EDNRB: variants seen among roughly 807,000 people sequenced by gnomAD.
EDNRB encodes endothelin receptor type B, also known as Hirschsprung disease 2.
EDNRB carries 18 observed loss-of-function variants against 46.4 expected under a neutral mutation model. The ratio of observed to expected loss-of-function variants is 0.39; its 90% CI spans 0.27 to 0.57. The LOEUF (loss-of-function observed/expected upper bound fraction) is 0.57. Ranked by LOEUF, EDNRB falls within the 20% of genes least tolerant of loss-of-function variation. EDNRB has a pLI of 0.61. For missense variants in EDNRB, 434 were observed against 537.5 expected (o/e 0.81, Z 1.90); for synonymous variants, 213 against 204.9 (o/e 1.04, Z -0.34).
chr13:77,934,441 A>G (rs192906585), intron 1 of EDNRB, among the ~76,000 whole-genome samples: 2,220 of 152,212 alleles, frequency 0.015, 46 homozygotes, highest in East Asian at 0.024. Flanking sequence ...GACTAATAAA[A>G]GCCGGTCTGC....
chr13:77,919,697 G>T, upstream of EDNRB: 1 of 1,363,572 alleles, frequency 7.3e-7, no homozygotes, highest in Non-Finnish European at 1.0e-6. Context: ...GCGATGCCTG[G>T]ACAGCATCAG....
Position 77,918,344 on chromosome 13 carries a change from G to A in EDNRB, c.230C>T (p.Thr77Met), listed in dbSNP as rs1227502849. The A allele has an allele frequency of 1.2e-6, 2 of 1,613,722 alleles. No homozygotes were observed. Among genetic ancestry groups the A allele is most frequent in the Admixed American group, 3.3e-5 (2 of 59,978 alleles). Residue 77 changes from threonine to methionine, a missense_variant, in exon 1 of 7, where the codon ACG (threonine) becomes ATG (methionine). Coordinates refer to ENST00000646607, the MANE Select transcript of EDNRB (RefSeq NM_001122659.3). The surrounding 1 kb of genome is among the most constrained non-coding windows in gnomAD (Gnocchi z 4.5). ...APAEVPKGDRTAGSPPRTISP... is the reference protein window; with the variant it reads ...APAEVPKGDRMAGSPPRTISP... ...GATGGTGCGTGGCGGAGATCCTGCC[G>A]TCCTGTCTCCTTTAGGCACCTCCGC...
intron 2 of EDNRB, 67 bp downstream of exon 2, chr13:77,903,428 T>C: frequency 1.2e-6 from 2 of 1,610,458 alleles, no homozygotes; most frequent in Non-Finnish European, 1.7e-6. Flanking sequence ...CACAGTTTAT[T>C]TTCTAAGTAA....
In EDNRB at chr13:77,898,318, C is replaced by T. The variant is rs767275433; in HGVS notation, c.1211G>A (p.Trp404Ter). ...KNCFKSCLCC[W>*]CQSFEEKQSL... is the part of the protein sequence containing the mutation. The stretch of plus-strand genomic sequence containing the variant: ...CTGTTTTTCTTCAAATGACTGGCAC[C>T]AGCAGCATAAGCATGACTGTACAAA... Residue 404 changes from tryptophan to a stop codon, truncating the protein, a stop_gained, in exon 7 of 7, where the codon TGG (tryptophan) becomes TAG (stop). Coordinates refer to ENST00000646607, the MANE Select transcript of EDNRB (RefSeq NM_001122659.3). LOFTEE classifies it high-confidence loss of function. 23 of 1,611,904 alleles carry T rather than the reference C, an allele frequency of 1.4e-5. No individual in the cohort carries two copies. The African/African-American group carries it at 2.8e-4, about 20-fold the overall frequency.
In EDNRB at chr13:77,943,164, C is replaced by A. The variant is rs572783074; in HGVS notation, c.-51-24540G>T. Reference sequence around the variant, plus strand: ...TAAATTGCCTGAAAATGTATAAAACCCTTTCCTGTAGAGCAATATGTGCTG... The same window carrying A: ...TAAATTGCCTGAAAATGTATAAAACACTTTCCTGTAGAGCAATATGTGCTG... On this transcript the variant is annotated intron_variant, in intron 1 of 7. Transcript: ENST00000646948. Among the ~76,000 whole-genome samples the A allele has an allele frequency of 1.3e-4, 20 of 152,122 alleles. No homozygotes were observed. In the East Asian group the frequency reaches 2.1e-3, roughly 16 times the overall value.
At chr13:77,924,403 A>G (rs1880173206), upstream of EDNRB, among the ~76,000 whole-genome samples, 1 of 152,224 alleles carries the variant, frequency 6.6e-6, no homozygotes, top group African/African-American at 2.4e-5. Flanking sequence ...TGAGGGCAGC[A>G]GATAATGCAA....
In EDNRB at chr13:77,898,058, T is replaced by G. The variant is rs1878725267; in HGVS notation, c.*142A>C. The G allele has an allele frequency of 3.4e-6, 5 of 1,465,882 alleles. No individual in the cohort carries two copies. In the South Asian group the frequency reaches 6.9e-5, roughly 20 times the overall value. The allele number at this position is 1,465,882 out of a possible 1,614,324, so 90.8% of individuals were successfully genotyped here. A position where few individuals can be genotyped will look rare whatever the true frequency, so the allele number is the denominator to read the frequency against. ...ATAAAATGTCATATGTAGCTGTGAG[T>G]GTTAAAATAATTACACTTAATATTT... On this transcript the variant is annotated 3_prime_UTR_variant, in exon 7 of 7. Coordinates refer to ENST00000646607, the MANE Select transcript of EDNRB (RefSeq NM_001122659.3).
chr13:77,922,315 T>C (rs1167021045), upstream of EDNRB, among the ~76,000 whole-genome samples: 3 of 152,084 alleles, frequency 2.0e-5, no homozygotes, highest in African/African-American at 7.2e-5. Context: ...GAAGACAGGG[T>C]TTAATGCAAT....
At chr13:77,928,069 A>G (rs887988760) in intron 1 of EDNRB, among the ~76,000 whole-genome samples, 13 of 152,246 alleles carry the variant, frequency 8.5e-5, no homozygotes, top group African/African-American at 2.7e-4. Context: ...CTGTGAATCA[A>G]TTAAACCTCT....
chr13:77,939,114 G>T (rs537020550), intron 1 of EDNRB: 3 of 152,316 alleles, frequency 2.0e-5, no homozygotes, highest in African/African-American at 4.8e-5. Context: ...CATTTTATAA[G>T]ATTTGGGTAG....
At chr13:77,906,796 G>A (rs978066257) in intron 1 of EDNRB, among the ~76,000 whole-genome samples, 1 of 152,000 alleles carries the variant, frequency 6.6e-6, no homozygotes, top group Admixed American at 6.6e-5. Context: ...AAGACACAAT[G>A]TGATTTAAAA....
upstream of EDNRB, chr13:77,918,922 G>T: frequency 1.7e-6 from 2 of 1,203,550 alleles, no homozygotes; most frequent in Non-Finnish European, 2.1e-6. This position sits in a 1 kb window ranked among gnomAD's most constrained non-coding sequence, Gnocchi z 4.5. Context: ...GGGGTCCCAG[G>T]CAAAGCTCCG....
chr13:77,918,596 G>A lies in EDNRB; in HGVS notation c.-23C>T. 6.4e-7 allele frequency: 1 copy of A among 1,574,474 alleles called. No homozygotes were observed. The highest frequency in any genetic ancestry group is 8.6e-7 in the Non-Finnish European group (1 of 1,168,820). ...CATGCTGCTACCTGCTCCAGAAGGC[G>A]TCCGGTGGCCGCTCCGCAGTTTCAG... On this transcript the variant is annotated 5_prime_UTR_variant, in exon 1 of 7. The change creates a new upstream start codon in the 5' untranslated region. Coordinates refer to ENST00000646607, the MANE Select transcript of EDNRB (RefSeq NM_001122659.3). This position sits in a 1 kb window ranked among gnomAD's most constrained non-coding sequence, Gnocchi z 4.5.
chr13:77,919,920 T>TA (rs1271093038), upstream of EDNRB: 1 of 239,070 alleles, frequency 4.2e-6, no homozygotes, highest in East Asian at 8.4e-5. Flanking sequence ...TTCTTTCAGG[T>TA]AAATGTTCCG....
intron 1 of EDNRB, among the ~76,000 whole-genome samples, chr13:77,961,219 C>G (rs1470914852): frequency 1.3e-5 from 2 of 152,070 alleles, no homozygotes; most frequent in Admixed American, 1.3e-4. Context: ...GAACTCTCCA[C>G]CCCAAATCAA....
At chr13:77,926,655 C>G (rs570710748) in intron 1 of EDNRB, among the ~76,000 whole-genome samples, 1 of 152,316 alleles carries the variant, frequency 6.6e-6, no homozygotes, top group Non-Finnish European at 1.5e-5. Context: ...CTGTCTTCTT[C>G]TGAGCCCTCT....
chr13:77,963,154 A>G (rs1283373957), intron 1 of EDNRB, among the ~76,000 whole-genome samples: 2 of 152,240 alleles, frequency 1.3e-5, no homozygotes, highest in Non-Finnish European at 1.5e-5. Context: ...TTCCATGCTC[A>G]TGGATAAGAA....
At position 77,918,262 on chromosome 13, in the gene EDNRB, G is replaced by T; in HGVS notation, c.312C>A (p.Asn104Lys). ...IEIKETFKYI[N>K]TVVSCLVFVL... ...CGAACACAAGGCAGGACACAACCGT[G>T]TTGATGTATTTGAAAGTCTCCTTGA... The change falls in exon 1 of 7, where the codon AAC becomes AAA. Residue 104 changes from asparagine to lysine, a missense_variant. Transcript: ENST00000646607. The surrounding 1 kb of genome is among the most constrained non-coding windows in gnomAD (Gnocchi z 4.5). 6.2e-7 allele frequency: 1 copy of T among 1,614,082 alleles called. No homozygotes were observed. Among genetic ancestry groups the T allele is most frequent in the Middle Eastern group, 1.7e-4 (1 of 6,060 alleles).
intron 1 of EDNRB, among the ~76,000 whole-genome samples, chr13:77,929,223 G>A (rs1271475915): frequency 6.6e-6 from 1 of 152,136 alleles, no homozygotes; most frequent in Non-Finnish European, 1.5e-5. Context: ...TTGATTATTA[G>A]AAATCCTCAT....
Sources: allele counts gnomAD v4.1 joint callset (sites outside exome capture counted in the v4.1 genomes callset), GRCh38; gene constraint gnomAD v4.1.1; non-coding constraint Gnocchi (gnomAD v3.1); transcripts MANE v1.5; gene names NCBI Gene and HGNC (gene_info 2026-07-23, HGNC 2026-07-21).